Variants in MAMDC4 observed in about 807,000 individuals in gnomAD.
MAMDC4 encodes the protein MAM domain containing 4.
MAMDC4 carries 168 observed loss-of-function variants against 153.3 expected under a neutral mutation model. The observed-to-expected ratio is 1.10, with a 90% confidence interval of 0.97 to 1.25. The LOEUF is 1.25. MAMDC4 is among the 50% of genes most tolerant of loss of function. MAMDC4 has a pLI of 0.00. For synonymous variants in MAMDC4, 744 were observed against 651.5 expected (o/e 1.14, Z -2.16); for missense variants, 1,701 against 1,542.8 (o/e 1.10, Z -1.72).
chr9:136,855,971 G>A, intron 13 of MAMDC4, 47 bp from the exon 14 acceptor site: 1 of 1,579,662 alleles, frequency 6.3e-7, no homozygotes, highest in Non-Finnish European at 8.6e-7. Context: ...GGGACAGAGT[G>A]GGGCCCTGGA....
rs760013804 is a variant in MAMDC4, at chr9:136,858,368, GGCAGCACCACTCAC to G, written c.2675-31_2675-18del. ...GTGGTGCCCAGGGCTTGGGCCGTGG[GGCAGCACCACTCAC>G]CCACCCATGTCCTGCAGGTTCCTGT... On this transcript the variant is annotated intron_variant, in intron 21 of 26. Coordinates refer to ENST00000317446, the MANE Select transcript of MAMDC4 (RefSeq NM_206920.3). 9.4e-6 allele frequency: 15 copies of G among 1,600,264 alleles called. No homozygotes were observed. Among genetic ancestry groups the G allele is most frequent in the African/African-American group, 1.3e-5 (1 of 74,930 alleles).
chr9:136,859,898 C>T lies in MAMDC4; in HGVS notation c.3206C>T (p.Ala1069Val). ...QPAPSPGNTAAPGSVPAVVGS... is the reference protein window; with the variant it reads ...QPAPSPGNTAVPGSVPAVVGS... ...CTATGGCCCACAGGGAACACAGCCG[C>T]ACCCGGGTCTGTGCCAGCTGTGGTT... Residue 1069 changes from alanine to valine, a missense_variant, in exon 26 of 27, where the codon GCA becomes GTA. By Grantham distance (64) the Ala-to-Val change is moderately conservative (BLOSUM62 0). Coordinates refer to ENST00000317446, the MANE Select transcript of MAMDC4 (RefSeq NM_206920.3). The T allele has an allele frequency of 2.5e-6, 4 of 1,611,942 alleles. No homozygotes were observed. The East Asian group carries it at 8.9e-5, about 36-fold the overall frequency.
intron 20 of MAMDC4, 37 bp downstream of exon 20, chr9:136,858,134 CCCCCGA>C (rs1402200226): frequency 9.1e-6 from 14 of 1,533,820 alleles, no homozygotes; most frequent in Non-Finnish European, 1.2e-5. Context: ...CCCTCCCCCT[CCCCCGA>C]GGGCTGCCTG....
At position 136,858,143 on chromosome 9, in the gene MAMDC4, G is replaced by A. The variant is rs766626559; in HGVS notation, c.2584-43G>A. 10 of 1,529,980 alleles carry A rather than the reference G, an allele frequency of 6.5e-6. No homozygotes were observed. In the South Asian group the frequency reaches 1.2e-4, roughly 19 times the overall value. The allele number at this position is 1,529,980 out of a possible 1,614,324, so 94.8% of individuals were successfully genotyped here. On this transcript the variant is annotated intron_variant, in intron 20 of 26. Transcript: ENST00000317446. ...CCCTCCCCCTCCCCCTCCCCCGAGG[G>A]CTGCCTGGACCCGCTGAGGCTGCCC...
Position 136,854,940 on chromosome 9 carries a change from GTCT to G in MAMDC4, c.1031_1033del (p.Phe344del), listed in dbSNP as rs1848981210. 1 of 1,611,692 alleles carries G rather than the reference GTCT, an allele frequency of 6.2e-7. No individual in the cohort carries two copies. Among genetic ancestry groups the G allele is most frequent in the African/African-American group, 1.3e-5 (1 of 74,902 alleles). On this transcript the variant is annotated inframe_deletion, in exon 10 of 27. Coordinates refer to ENST00000317446, the MANE Select transcript of MAMDC4 (RefSeq NM_206920.3). Reference sequence around the variant, plus strand: ...CAGCCAGCTCTTGGTTCCACAGCTGGTCTTCTATCAGTACCTGAGTGGGTCTGA... The same window carrying G: ...CAGCCAGCTCTTGGTTCCACAGCTGGTCTATCAGTACCTGAGTGGGTCTGA...
rs757957683 is a variant in MAMDC4 at position 136,859,080 on chromosome 9, G to A, written c.3032G>A (p.Arg1011Gln). 74 of 1,557,618 alleles carry A rather than the reference G, an allele frequency of 4.8e-5. No individual in the cohort carries two copies. Among genetic ancestry groups the A allele is most frequent in the Non-Finnish European group, 5.6e-5 (64 of 1,150,008 alleles). The change falls in exon 24 of 27, where the codon CGG becomes CAG. Residue 1011 changes from arginine (R) to glutamine (Q), a missense_variant. Arg to Gln is a conservative substitution (Grantham distance 43, BLOSUM62 1). Transcript: ENST00000317446. ...LAVWGAGGHR[R>Q]HQWLEAQVEV... ...GTGTGGGGCGCAGGCGGGCATCGGC[G>A]GCACCAGTGGCTGGAGGCCCAGGTG...
intron 26 of MAMDC4, 42 bp downstream of exon 26, chr9:136,860,106 C>A: frequency 6.7e-7 from 1 of 1,503,158 alleles, no homozygotes; most frequent in South Asian, 1.3e-5. Context: ...CCTCTGTGCT[C>A]AGCTGTGACG....
chr9:136,855,556 C>T lies in MAMDC4; in HGVS notation c.1408C>T (p.Pro470Ser). 1.9e-6 allele frequency: 3 copies of T among 1,591,232 alleles called. No homozygotes were observed. The highest frequency in any genetic ancestry group is 1.3e-5 in the African/African-American group (1 of 74,656). ...GHLACGDLCV[P>S]PEQLCDFEEQ... ...TCTTGCCTGCGGGGACCTGTGTGTG[C>T]CCCCGGAACAACTGTGTGACTTCGA... The change falls in exon 12 of 27, where the codon CCC becomes TCC. Residue 470 changes from proline (P) to serine (S), a missense_variant. Transcript: ENST00000317446.
chr9:136,855,872 A>G, intron 13 of MAMDC4, 24 bp downstream of exon 13: 1 of 1,480,528 alleles, frequency 6.8e-7, no homozygotes, highest in Non-Finnish European at 9.0e-7. Context: ...CCCAAGGCTC[A>G]AGCCCCCGCC....
In MAMDC4 at chr9:136,857,551, G is replaced by GC. The variant is rs757170524; in HGVS notation, c.2297dup (p.Thr767AsnfsTer6). Reference sequence around the variant, plus strand: ...AATGCCTCGGGCCATGCTGCCTGGGGCCCCCCAACAGACCATACCACTGAG... The same window carrying GC: ...AATGCCTCGGGCCATGCTGCCTGGGGCCCCCCCAACAGACCATACCACTGAG... On this transcript the variant is annotated frameshift_variant, in exon 18 of 27. Coordinates refer to ENST00000317446, the MANE Select transcript of MAMDC4 (RefSeq NM_206920.3). LOFTEE classifies it high-confidence loss of function. 6.2e-7 allele frequency: 1 copy of GC among 1,611,900 alleles called. No individual in the cohort carries two copies. Among genetic ancestry groups the GC allele is most frequent in the South Asian group, 1.1e-5 (1 of 91,086 alleles).
chr9:136,854,041 T>C lies in MAMDC4; in HGVS notation c.635T>C (p.Leu212Pro). 6.2e-7 allele frequency: 1 copy of C among 1,612,910 alleles called. No homozygotes were observed. Among genetic ancestry groups the C allele is most frequent in the Non-Finnish European group, 8.5e-7 (1 of 1,179,952 alleles). Residue 212 changes from leucine to proline, a missense_variant, in exon 6 of 27, where the codon CTA becomes CCA. Transcript: ENST00000317446. ...RNATHRGAVALDDLEFWDCGL... is the reference protein window; with the variant it reads ...RNATHRGAVAPDDLEFWDCGL... Reference sequence around the variant, plus strand: ...GCCACCCACAGGGGCGCTGTGGCTCTAGATGACCTAGAGTTCTGGGACTGT... The same window carrying C: ...GCCACCCACAGGGGCGCTGTGGCTCCAGATGACCTAGAGTTCTGGGACTGT...
chr9:136,857,508 C>T lies in MAMDC4; in HGVS notation c.2248C>T (p.Leu750Phe), dbSNP rs769753845. ...CGGCTTCTCCCCTGGAGGCCAAGGT[C>T]TCTGGAGGCGGCAGGCCAATGCCTC... ...DCGFSPGGQG[L>F]WRRQANASGH... The change falls in exon 18 of 27, where the codon CTC (leucine) becomes TTC (phenylalanine). Residue 750 changes from leucine to phenylalanine, a missense_variant. Leu to Phe is a conservative substitution (Grantham distance 22). Transcript: ENST00000317446. 3 of 1,610,404 alleles carry T rather than the reference C, an allele frequency of 1.9e-6. No homozygotes were observed. Among genetic ancestry groups the T allele is most frequent in the African/African-American group, 2.7e-5 (2 of 74,934 alleles).
In MAMDC4 at chr9:136,856,936, C is replaced by G. The variant is rs2131236800; in HGVS notation, c.1867C>G (p.Pro623Ala). ...GHFVLLDPTD[P>A]LAWGHSAHLL... The stretch of plus-strand genomic sequence containing the variant: ...CTTTGTGCTCCTGGACCCCACAGAC[C>G]CCCTGGCCTGGGGCCACAGTGCCCA... The change falls in exon 16 of 27, where the codon CCC becomes GCC. Residue 623 changes from proline (P) to alanine (A), a missense_variant. Coordinates refer to ENST00000317446, the MANE Select transcript of MAMDC4 (RefSeq NM_206920.3). 6.2e-7 allele frequency: 1 copy of G among 1,610,926 alleles called. No homozygotes were observed. The highest frequency in any genetic ancestry group is 1.3e-5 in the African/African-American group (1 of 75,006).
chr9:136,853,197 G>A lies in MAMDC4; in HGVS notation c.142G>A (p.Glu48Lys). The change falls in exon 2 of 27, where the codon GAG (glutamate) becomes AAG (lysine). Residue 48 changes from glutamate to lysine, a missense_variant. By Grantham distance (56) the Glu-to-Lys change is moderately conservative (BLOSUM62 1). Coordinates refer to ENST00000317446, the MANE Select transcript of MAMDC4 (RefSeq NM_206920.3). ...FVCDCRDCSD[E>K]AQCGYHGASP... ...GTGTGACTGCAGGGACTGCTCAGAT[G>A]AGGCCCAGTGTGGTGAGCCAAGACC... 1 of 1,612,814 alleles carries A rather than the reference G, an allele frequency of 6.2e-7. No homozygotes were observed. Among genetic ancestry groups the A allele is most frequent in the African/African-American group, 1.3e-5 (1 of 75,072 alleles).
At chr9:136,858,364 G>T (rs371847323) in intron 21 of MAMDC4, 36 bp from the exon 22 acceptor site, 4 of 1,600,312 alleles carry the variant, frequency 2.5e-6, no homozygotes, top group Non-Finnish European at 3.4e-6. Context: ...GGCTTGGGCC[G>T]TGGGGCAGCA....
Position 136,860,001 on chromosome 9 carries a change from C to G in MAMDC4, c.3309C>G (p.Ser1103Arg), listed in dbSNP as rs780508653. Residue 1103 changes from serine (S) to arginine (R), a missense_variant, in exon 26 of 27, where the codon AGC becomes AGG. By Grantham distance (110) the Ser-to-Arg change is moderately radical (BLOSUM62 -1). Transcript: ENST00000317446. Reference sequence around the variant, plus strand: ...GGCGCTGGCTGCAGAAGAAGGGGAGCTGCCCCTTCCAGAGCAACACAGAGG... The same window carrying G: ...GGCGCTGGCTGCAGAAGAAGGGGAGGTGCCCCTTCCAGAGCAACACAGAGG... ...GGRRWLQKKGSCPFQSNTEAT... is the reference protein window; with the variant it reads ...GGRRWLQKKGRCPFQSNTEAT... 8 of 1,611,732 alleles carry G rather than the reference C, an allele frequency of 5.0e-6. No individual in the cohort carries two copies. The highest frequency in any genetic ancestry group is 2.7e-5 in the African/African-American group (2 of 74,908).
At chr9:136,856,594 C>T in intron 14 of MAMDC4, 116 bp from the exon 15 acceptor site, 3 of 970,680 alleles carry the variant, frequency 3.1e-6, no homozygotes, top group Non-Finnish European at 5.0e-6. Flanking sequence ...TGCCCATCCT[C>T]ACTCCCACCT....
At position 136,853,325 on chromosome 9, in the gene MAMDC4, C is replaced by T. The variant is rs773187445; in HGVS notation, c.195C>T (p.Ala65=). ...CGCCCACCCTGGGCGCCCCCTTCGC[C>T]TGTGACTTCGAGCAGGACCCCTGCG... ...GASPTLGAPF[A]CDFEQDPCGW... The change falls in exon 3 of 27, where the codon GCC becomes GCT. Residue 65 remains alanine, a synonymous_variant. Coordinates refer to ENST00000317446, the MANE Select transcript of MAMDC4 (RefSeq NM_206920.3). The T allele has an allele frequency of 6.2e-7, 1 of 1,605,196 alleles. No homozygotes were observed. Among genetic ancestry groups the T allele is most frequent in the African/African-American group, 1.3e-5 (1 of 74,948 alleles).
rs374413624 is a variant in MAMDC4 at position 136,857,046 on chromosome 9, G to A, written c.1972+5G>A. On this transcript the variant is annotated splice_donor_5th_base_variant and intron_variant, in intron 16 of 26. Coordinates refer to ENST00000317446, the MANE Select transcript of MAMDC4 (RefSeq NM_206920.3). Reference sequence around the variant, plus strand: ...ACCTCCATGGGCCCCAGATTGGTGAGTGGACCTGGAAACAGGGCAGAGCCT... The same window carrying A: ...ACCTCCATGGGCCCCAGATTGGTGAATGGACCTGGAAACAGGGCAGAGCCT... 9 of 1,609,740 alleles carry A rather than the reference G, an allele frequency of 5.6e-6. No homozygotes were observed. Among genetic ancestry groups the A allele is most frequent in the Non-Finnish European group, 6.8e-6 (8 of 1,178,068 alleles).
Sources: allele counts gnomAD v4.1 joint callset, GRCh38; gene constraint gnomAD v4.1.1; transcripts MANE v1.5; gene names NCBI Gene and HGNC (gene_info 2026-07-23, HGNC 2026-07-21).